Variants in CHST15 observed in about 807,000 individuals in gnomAD.
CHST15 encodes the protein B cell RAG associated protein (GALNAC4S-6ST).
A neutral mutation model predicts 53.6 loss-of-function variants in CHST15; 30 were observed. That is an observed-to-expected ratio of 0.56 (90% CI 0.42 to 0.76). The LOEUF (loss-of-function observed/expected upper bound fraction) is 0.76. Among genes scored for constraint, CHST15 ranks in the 30% least tolerant of loss-of-function variants. The probability of loss-of-function intolerance (pLI) is 0.00; values close to 1 mark genes in which losing one functional copy is unlikely to be tolerated. For missense variants in CHST15, 627 were observed against 740.5 expected (o/e 0.85, Z 1.78); for synonymous variants, 296 against 289.8 (o/e 1.02, Z -0.22).
intron 1 of CHST15, among the ~76,000 whole-genome samples, chr10:124,090,701 A>G (rs117748685): frequency 1.5e-3 from 232 of 152,322 alleles, no homozygotes; most frequent in Non-Finnish European, 2.6e-3. Context: ...TGTGGAAGGA[A>G]ACTGCAGCCC....
intron 5 of CHST15, among the ~76,000 whole-genome samples, chr10:124,034,418 C>T (rs1332789399): frequency 6.6e-6 from 1 of 152,030 alleles, no homozygotes; most frequent in African/African-American, 2.4e-5. Flanking sequence ...TGCACCTGCA[C>T]GGTGCTGCTG....
chr10:124,079,165 GA>G (rs1447855695), intron 1 of CHST15, among the ~76,000 whole-genome samples: 3 of 152,106 alleles, frequency 2.0e-5, no homozygotes, highest in Non-Finnish European at 4.4e-5. Context: ...TTAAAATGTA[GA>G]AAAATTTATG....
At chr10:124,064,680 C>T (rs1948700060) in intron 1 of CHST15, among the ~76,000 whole-genome samples, 1 of 149,884 alleles carries the variant, frequency 6.7e-6, no homozygotes, top group Admixed American at 6.6e-5. Flanking sequence ...CCCACTCCTG[C>T]TGGCGGCCTT....
intron 1 of CHST15, among the ~76,000 whole-genome samples, chr10:124,090,446 C>T (rs1383901289): frequency 6.6e-6 from 1 of 152,216 alleles, no homozygotes; most frequent in Non-Finnish European, 1.5e-5. Context: ...CACAGTCCAG[C>T]ACTAATCTAC....
intron 1 of CHST15, among the ~76,000 whole-genome samples, chr10:124,090,879 C>G: frequency 6.6e-6 from 1 of 152,228 alleles, no homozygotes; most frequent in Non-Finnish European, 1.5e-5. Flanking sequence ...GCATGCTTCA[C>G]CTACAAGCCA....
At chr10:124,084,691 C>T (rs1397470423) in intron 1 of CHST15, among the ~76,000 whole-genome samples, 2 of 152,226 alleles carry the variant, frequency 1.3e-5, no homozygotes, top group Non-Finnish European at 2.9e-5. Context: ...GACATGAGAA[C>T]CTCCTGCTCC....
At chr10:124,050,020 C>T (rs1210796118) in intron 1 of CHST15, among the ~76,000 whole-genome samples, 2 of 151,922 alleles carry the variant, frequency 1.3e-5, no homozygotes, top group African/African-American at 4.8e-5. Context: ...TGGAAAATAC[C>T]CCTGGGCTGC....
intron 1 of CHST15, among the ~76,000 whole-genome samples, chr10:124,070,832 G>A (rs1002038886): frequency 7.2e-5 from 11 of 152,250 alleles, no homozygotes; most frequent in Admixed American, 3.9e-4. Flanking sequence ...GACCTCAGAC[G>A]GGCTGAGCAC....
Position 124,009,017 on chromosome 10 carries a change from G to A in CHST15, c.*1132C>T. ...AGCCCAAGTTCAGCTTGTGCATTGT[G>A]TTTTGGAATTGGGACACGAGTATCT... On this transcript the variant is annotated 3_prime_UTR_variant, in exon 8 of 8. Coordinates refer to ENST00000435907, the MANE Select transcript of CHST15 (RefSeq NM_001270764.2). 1 of 1,289,172 alleles carries A rather than the reference G, an allele frequency of 7.8e-7. No individual in the cohort carries two copies. The highest frequency in any genetic ancestry group is 1.2e-5 in the South Asian group (1 of 81,026). 79.9% of individuals were successfully genotyped at this position (1,289,172 alleles called of 1,614,324 possible).
At chr10:124,038,108 A>ATTTTTTT (rs202094516) in intron 5 of CHST15, among the ~76,000 whole-genome samples, 1 of 132,316 alleles carries the variant, frequency 7.6e-6, no homozygotes. Context: ...TTTTTATTTT[A>ATTTTTTT]TTTTATTTTT....
At chr10:124,093,277 G>A (rs1020778836) in intron 1 of CHST15, among the ~76,000 whole-genome samples, 192 bp downstream of exon 1, 7 of 149,248 alleles carry the variant, frequency 4.7e-5, no homozygotes, top group Middle Eastern at 3.4e-3. Context: ...CCACCACCGC[G>A]CCGGGAGCGC....
intron 1 of CHST15, among the ~76,000 whole-genome samples, chr10:124,079,993 C>CT (rs1444951435): frequency 2.0e-5 from 3 of 152,188 alleles, no homozygotes; most frequent in Non-Finnish European, 4.4e-5. Context: ...GACGTACCCC[C>CT]TCAAGCATGT....
At chr10:124,044,065 G>C (rs1319233402) in intron 3 of CHST15, among the ~76,000 whole-genome samples, 3 of 151,172 alleles carry the variant, frequency 2.0e-5, no homozygotes, top group African/African-American at 7.3e-5. Context: ...CAGAGCAGGG[G>C]AACAACACAG....
In CHST15 at chr10:124,007,668, T is replaced by C. The variant is rs886146760; in HGVS notation, c.*2481A>G. The C allele has an allele frequency of 2.4e-5, 29 of 1,213,946 alleles. No individual in the cohort carries two copies. Among genetic ancestry groups the C allele is most frequent in the Non-Finnish European group, 2.8e-5 (27 of 977,744 alleles). 75.2% of individuals were successfully genotyped at this position (1,213,946 alleles called of 1,614,324 possible). On this transcript the variant is annotated 3_prime_UTR_variant, in exon 8 of 8. Coordinates refer to ENST00000435907, the MANE Select transcript of CHST15 (RefSeq NM_001270764.2). ...GATTCACTCATGCACCAGGAAGAGCTTGGCTGCAGAGGAAGAGCACGCGCT... is the reference window on the plus strand; with the variant it reads ...GATTCACTCATGCACCAGGAAGAGCCTGGCTGCAGAGGAAGAGCACGCGCT...
chr10:124,036,943 C>T lies in CHST15; in HGVS notation c.1190+1572G>A, dbSNP rs975930920. 2.0e-5 allele frequency among the ~76,000 whole-genome samples: 3 copies of T among 152,280 alleles called. No homozygotes were observed. The highest frequency in any genetic ancestry group is 2.0e-4 in the Admixed American group (3 of 15,302). ...TGGTGCGTAATGACAGGACTTTCTT[C>T]CCTCAGTGTCCTGGAAGCTGGAGTC... On this transcript the variant is annotated intron_variant, in intron 5 of 7. Transcript: ENST00000435907. This position sits in a 1 kb window ranked among gnomAD's most constrained non-coding sequence, Gnocchi z 5.1.
intron 1 of CHST15, among the ~76,000 whole-genome samples, chr10:124,064,963 C>T (rs1232999502): frequency 6.6e-6 from 1 of 152,196 alleles, no homozygotes; most frequent in Non-Finnish European, 1.5e-5. Flanking sequence ...AAAAGAGTCT[C>T]TTCTTTTGTT....
At chr10:124,020,056 C>A (rs1210466728) in intron 6 of CHST15, 1 of 985,870 alleles carries the variant, frequency 1.0e-6, no homozygotes, top group Non-Finnish European at 1.2e-6. Flanking sequence ...GCCCAGCCTC[C>A]ATCTTCTCTC....
At chr10:124,068,773 A>C (rs1948825823) in intron 1 of CHST15, among the ~76,000 whole-genome samples, 1 of 152,262 alleles carries the variant, frequency 6.6e-6, no homozygotes, top group African/African-American at 2.4e-5. Flanking sequence ...TGAATTAAAA[A>C]AAGAAGTCAG....
intron 5 of CHST15, among the ~76,000 whole-genome samples, chr10:124,037,284 G>A (rs1352115865): frequency 6.6e-6 from 1 of 152,196 alleles, no homozygotes; most frequent in Non-Finnish European, 1.5e-5. Flanking sequence ...CAATCCATAA[G>A]AAGATGTAGT....
Sources: gnomAD v4.1 joint callset for allele counts (sites outside exome capture counted in the v4.1 genomes callset) on GRCh38, gnomAD v4.1.1 for gene constraint, Gnocchi (gnomAD v3.1) non-coding constraint, MANE v1.5 for transcripts, NCBI Gene and HGNC (gene_info 2026-07-23, HGNC 2026-07-21) for gene names.